The following RASGEF1A variants were observed in gnomAD, a reference collection of about 807,000 sequenced individuals.
RASGEF1A encodes RasGEF domain family member 1A, also known as ras-GEF domain-containing family member 1A.
RASGEF1A carries 18 observed loss-of-function variants against 56.4 expected under a neutral mutation model. The ratio of observed to expected loss-of-function variants is 0.32; its 90% CI spans 0.22 to 0.47. The LOEUF (loss-of-function observed/expected upper bound fraction) is 0.47. RASGEF1A is among the 20% of genes least tolerant of loss of function. The pLI is 1.00. For synonymous variants in RASGEF1A, 245 were observed against 242.6 expected (o/e 1.01, Z -0.09); for missense variants, 422 against 627.1 (o/e 0.67, Z 3.49).
At chr10:43,198,854 CCACT>C (rs1484868064) in intron 9 of RASGEF1A, 75 bp downstream of exon 9, 1 of 1,339,208 alleles carries the variant, frequency 7.5e-7, no homozygotes, top group African/African-American at 1.4e-5. Flanking sequence ...CCCCCCACCC[CCACT>C]GTCAGGGCCC....
At chr10:43,264,947 C>G (rs773182058) in intron 1 of RASGEF1A, among the ~76,000 whole-genome samples, 1 of 152,174 alleles carries the variant, frequency 6.6e-6, no homozygotes, top group Non-Finnish European at 1.5e-5. Context: ...CAAAGGCCAA[C>G]CAAAGCTGTC....
At chr10:43,214,550 C>T (rs1026657551) in intron 1 of RASGEF1A, among the ~76,000 whole-genome samples, 8 of 152,164 alleles carry the variant, frequency 5.3e-5, no homozygotes, top group Non-Finnish European at 8.8e-5. Context: ...TGGCCATCCT[C>T]CAACACCACC....
intron 2 of RASGEF1A, among the ~76,000 whole-genome samples, chr10:43,205,203 G>A (rs929468395): frequency 6.6e-6 from 1 of 152,166 alleles, no homozygotes; most frequent in Admixed American, 6.5e-5. Flanking sequence ...ATAGCATGAT[G>A]CGGGCAGGAC....
intron 1 of RASGEF1A, among the ~76,000 whole-genome samples, chr10:43,210,792 C>G (rs2505551): frequency 1 from 98,504 of 98,660 alleles, 49,174 homozygotes; most frequent in Non-Finnish European, 1. Context: ...CCAGACCAGT[C>G]TCTGTGGGAA....
chr10:43,199,579 C>T (rs947707195), intron 7 of RASGEF1A, 97 bp downstream of exon 7: 4 of 980,920 alleles, frequency 4.1e-6, no homozygotes, highest in East Asian at 2.5e-5. Flanking sequence ...TGTGCATTCA[C>T]TCTTAAAGTT....
At chr10:43,224,934 C>T (rs1840253540) in intron 1 of RASGEF1A, among the ~76,000 whole-genome samples, 1 of 152,194 alleles carries the variant, frequency 6.6e-6, no homozygotes, top group Non-Finnish European at 1.5e-5. Flanking sequence ...TATCTACCTC[C>T]CCTGGGCATA....
At chr10:43,248,813 T>C (rs541243483) in intron 1 of RASGEF1A, among the ~76,000 whole-genome samples, 1 of 152,364 alleles carries the variant, frequency 6.6e-6, no homozygotes, top group African/African-American at 2.4e-5. Context: ...CGCCCTGTTC[T>C]AGGCAGTGGA....
intron 1 of RASGEF1A, chr10:43,207,654 A>G (rs1840015647): frequency 2.0e-6 from 2 of 985,410 alleles, no homozygotes; most frequent in South Asian, 9.4e-5. Context: ...CAGGGAGGTC[A>G]TGGCTCAGAC....
intron 1 of RASGEF1A, among the ~76,000 whole-genome samples, chr10:43,247,824 G>A (rs1840583496): frequency 6.6e-6 from 1 of 152,166 alleles, no homozygotes; most frequent in Admixed American, 6.5e-5. Flanking sequence ...CACTTTGGGA[G>A]GCCTAGGCAG....
chr10:43,238,102 G>GC (rs61133623), intron 1 of RASGEF1A, among the ~76,000 whole-genome samples: 1 of 147,116 alleles, frequency 6.8e-6, no homozygotes, highest in African/African-American at 2.4e-5. Flanking sequence ...GGGGCGGAGG[G>GC]AGGGGGGGTG....
chr10:43,228,283 GCA>G (rs1227631547), intron 1 of RASGEF1A, among the ~76,000 whole-genome samples: 1 of 152,058 alleles, frequency 6.6e-6, no homozygotes, highest in African/African-American at 2.4e-5. Context: ...CAGGTCCTGT[GCA>G]CACGTCTCCT....
intron 1 of RASGEF1A, among the ~76,000 whole-genome samples, chr10:43,253,888 C>T (rs1444825588): frequency 1.3e-5 from 2 of 152,236 alleles, no homozygotes; most frequent in East Asian, 1.9e-4. Context: ...CAATAAGAGG[C>T]AGGGGCAGCC....
At chr10:43,212,921 G>A (rs911940985) in intron 1 of RASGEF1A, among the ~76,000 whole-genome samples, 6 of 152,284 alleles carry the variant, frequency 3.9e-5, no homozygotes, top group South Asian at 2.1e-4. Context: ...AGACCCCTTC[G>A]CACCAAGGAA....
chr10:43,222,692 A>G (rs1002979982), intron 1 of RASGEF1A, among the ~76,000 whole-genome samples: 4 of 152,372 alleles, frequency 2.6e-5, no homozygotes, highest in Middle Eastern at 3.4e-3. Flanking sequence ...AATGGAAGCA[A>G]GTGCTTCCCT....
At chr10:43,231,361 A>G (rs1840364981) in intron 1 of RASGEF1A, among the ~76,000 whole-genome samples, 1 of 152,184 alleles carries the variant, frequency 6.6e-6, no homozygotes, top group African/African-American at 2.4e-5. Context: ...TCAGCCCTGT[A>G]CCGTAGCCCT....
Position 43,200,948 on chromosome 10 carries a change from G to A in RASGEF1A, c.460-60C>T, listed in dbSNP as rs1839887503. On this transcript the variant is annotated intron_variant, in intron 4 of 12. Transcript: ENST00000395810. ...GGCTGGCAGCAAGGCCACCACCACTGTGGGTAGGATCCATCTCACCTCCAG... is the reference window on the plus strand; with the variant it reads ...GGCTGGCAGCAAGGCCACCACCACTATGGGTAGGATCCATCTCACCTCCAG... 6 of 1,481,672 alleles carry A rather than the reference G, an allele frequency of 4.0e-6. No individual in the cohort carries two copies. In the Admixed American group the frequency reaches 1.0e-4, roughly 25 times the overall value. 91.8% of individuals were successfully genotyped at this position (1,481,672 alleles called of 1,614,324 possible). A position where few individuals can be genotyped will look rare whatever the true frequency, so the allele number is the denominator to read the frequency against.
chr10:43,253,986 GCTGGGCCTGGGGC>G, intron 1 of RASGEF1A, among the ~76,000 whole-genome samples: 1 of 152,310 alleles, frequency 6.6e-6, no homozygotes, highest in Admixed American at 6.5e-5. Flanking sequence ...GTGCCCCTAA[GCTGGGCCTGGGGC>G]AGGCCTGCCT....
chr10:43,253,603 C>T (rs1191473057), intron 1 of RASGEF1A, among the ~76,000 whole-genome samples: 1 of 152,248 alleles, frequency 6.6e-6, no homozygotes, highest in African/African-American at 2.4e-5. Flanking sequence ...ACACCTGTGG[C>T]TGGCTCGGAG....
rs144133028 is a variant in RASGEF1A at position 43,215,044 on chromosome 10, G to A, written c.-6-8922C>T. 5.5e-4 allele frequency among the ~76,000 whole-genome samples: 84 copies of A among 152,332 alleles called. No individual in the cohort carries two copies. The East Asian group carries it at 0.015, about 28-fold the overall frequency. On this transcript the variant is annotated intron_variant, in intron 1 of 12. Transcript: ENST00000395810. ...GGGCATGGCCCCCTGAGCATCAAGTGCAGGCTGAAGCCCTGGCCTGGACAT... is the reference window on the plus strand; with the variant it reads ...GGGCATGGCCCCCTGAGCATCAAGTACAGGCTGAAGCCCTGGCCTGGACAT...
Sources: allele counts gnomAD v4.1 joint callset (sites outside exome capture counted in the v4.1 genomes callset), GRCh38; gene constraint gnomAD v4.1.1; transcripts MANE v1.5; gene names NCBI Gene and HGNC (gene_info 2026-07-23, HGNC 2026-07-21).